CACNA2D3: variants seen among roughly 807,000 people sequenced by gnomAD.
The protein encoded by CACNA2D3 is voltage-dependent calcium channel subunit alpha-2/delta-3.
Under a neutral mutation model 160.6 loss-of-function variants are expected in CACNA2D3, and 60 were observed. The observed-to-expected ratio is 0.37, with a 90% CI of 0.30 to 0.46. The LOEUF is 0.46. Among genes scored for constraint, CACNA2D3 ranks in the 20% least tolerant of loss-of-function variants. CACNA2D3 has a pLI of 1.00. For synonymous variants in CACNA2D3, 558 were observed against 492.9 expected, an observed-to-expected ratio of 1.13 and a Z score of -1.75; for missense variants, 1,205 against 1,365.0, an observed-to-expected ratio of 0.88 and a Z score of 1.85.
intron 8 of CACNA2D3, among the ~76,000 whole-genome samples, chr3:54,575,918 A>C (rs1015178456): frequency 6.6e-6 from 1 of 152,090 alleles, no homozygotes; most frequent in Non-Finnish European, 1.5e-5. Flanking sequence ...TCTGGATCAC[A>C]TAGGGGGGTG....
intron 2 of CACNA2D3, among the ~76,000 whole-genome samples, chr3:54,142,256 C>T (rs1317266304): frequency 2.6e-5 from 4 of 152,172 alleles, no homozygotes; most frequent in African/African-American, 7.2e-5. Flanking sequence ...CTTGGCCCTT[C>T]GTTCTCTTGT....
intron 9 of CACNA2D3, among the ~76,000 whole-genome samples, chr3:54,609,144 A>G (rs1698695256): frequency 6.6e-6 from 1 of 152,190 alleles, no homozygotes. Context: ...CTGTGAGCCA[A>G]TATGGTAGCT....
chr3:54,838,630 G>A lies in CACNA2D3; in HGVS notation c.1533G>A (p.Lys511=). 1.9e-6 allele frequency: 3 copies of A among 1,612,436 alleles called. No individual in the cohort carries two copies. The highest frequency in any genetic ancestry group is 2.5e-6 in the Non-Finnish European group (3 of 1,178,488). ...GTDVPVKELL[K]TIPKYKLGIH... ...ATGTCCCAGTGAAAGAACTTCTGAA[G>A]ACCATCCCCAAATACAAGGTAATGA... is the stretch of plus-strand genomic sequence containing the variant. The change falls in exon 16 of 38, where the codon AAG becomes AAA. Residue 511 remains lysine, a synonymous_variant. Coordinates refer to ENST00000474759, the MANE Select transcript of CACNA2D3 (RefSeq NM_018398.3).
intron 9 of CACNA2D3, among the ~76,000 whole-genome samples, chr3:54,597,934 C>T (rs1702987433): frequency 6.6e-6 from 1 of 151,958 alleles, no homozygotes. Context: ...CAGCCGTGGG[C>T]ACTGGTTGTG....
chr3:54,197,669 A>G (rs546213616), intron 2 of CACNA2D3, among the ~76,000 whole-genome samples: 2 of 152,198 alleles, frequency 1.3e-5, no homozygotes, highest in East Asian at 3.9e-4. Flanking sequence ...CTTGTTTAGG[A>G]ACTTGGCACC....
At chr3:54,774,952 T>C (rs1199373845) in intron 13 of CACNA2D3, among the ~76,000 whole-genome samples, 6 of 152,174 alleles carry the variant, frequency 3.9e-5, no homozygotes, top group East Asian at 1.9e-4. Context: ...TTGACTCTTA[T>C]TGGCTTAATT....
At chr3:54,339,795 C>T (rs965549135) in intron 3 of CACNA2D3, among the ~76,000 whole-genome samples, 1 of 152,148 alleles carries the variant, frequency 6.6e-6, no homozygotes, top group Non-Finnish European at 1.5e-5. Flanking sequence ...ACAGGATGCA[C>T]TCTAGTGGGT....
intron 21 of CACNA2D3, among the ~76,000 whole-genome samples, chr3:54,881,070 T>C (rs1699785697): frequency 1.3e-5 from 2 of 152,196 alleles, no homozygotes; most frequent in East Asian, 1.9e-4. Flanking sequence ...GGAGTTCCGA[T>C]TCATGGTTGT....
At position 54,492,709 on chromosome 3, in the gene CACNA2D3, G is replaced by T. The variant is rs927020087; in HGVS notation, c.382-10783G>T. Among the ~76,000 whole-genome samples, 6 of 152,314 alleles carry T rather than the reference G, an allele frequency of 3.9e-5. No individual in the cohort carries two copies. The East Asian group carries it at 7.7e-4, about 20-fold the overall frequency. ...CACTTTAACTTAGAAAGGGTTAAAGGCTCTGATAAGTCCTTCAATGAATAA... is the reference window on the plus strand; with the variant it reads ...CACTTTAACTTAGAAAGGGTTAAAGTCTCTGATAAGTCCTTCAATGAATAA... On this transcript the variant is annotated intron_variant, in intron 4 of 37. Coordinates refer to ENST00000474759, the MANE Select transcript of CACNA2D3 (RefSeq NM_018398.3).
At chr3:54,640,023 A>G (rs1453497144) in intron 10 of CACNA2D3, among the ~76,000 whole-genome samples, 2 of 152,144 alleles carry the variant, frequency 1.3e-5, no homozygotes, top group Non-Finnish European at 2.9e-5. Context: ...TCACAAGGTA[A>G]TGTCATCAGT....
chr3:54,843,758 A>G (rs183398108), intron 16 of CACNA2D3, among the ~76,000 whole-genome samples: 42 of 152,344 alleles, frequency 2.8e-4, no homozygotes, highest in African/African-American at 9.6e-4. Flanking sequence ...GTAGTGGTAC[A>G]GTTGGGTAGC....
Position 54,888,013 on chromosome 3 carries a change from T to C in CACNA2D3, c.2111T>C (p.Ile704Thr), listed in dbSNP as rs762058431. The stretch of plus-strand genomic sequence containing the variant: ...TTTGACGCGGTGGTGAGTGCCCCCA[T>C]TGAAGCGTATTGGACCAGCCTGGCC... ...VLFDAVVSAP[I>T]EAYWTSLALN... is the part of the protein sequence containing the mutation. Residue 704 changes from isoleucine to threonine, a missense_variant, in exon 24 of 38, where the codon ATT becomes ACT. Physicochemically the swap from Ile to Thr is moderately conservative, Grantham distance 89 (BLOSUM62 -1). Transcript: ENST00000474759. 3 of 1,613,930 alleles carry C rather than the reference T, an allele frequency of 1.9e-6. No homozygotes were observed. Among genetic ancestry groups the C allele is most frequent in the South Asian group, 1.1e-5 (1 of 91,070 alleles).
chr3:54,496,405 T>C (rs1701203656), intron 4 of CACNA2D3, among the ~76,000 whole-genome samples: 1 of 152,206 alleles, frequency 6.6e-6, no homozygotes, highest in Non-Finnish European at 1.5e-5. Context: ...TGATGACTAA[T>C]GACATTGAAC....
intron 2 of CACNA2D3, among the ~76,000 whole-genome samples, chr3:54,266,039 GC>G (rs1243308094): frequency 6.6e-6 from 1 of 152,134 alleles, no homozygotes; most frequent in African/African-American, 2.4e-5. Context: ...AAAAATATGG[GC>G]CAATTTTTTC....
intron 27 of CACNA2D3, among the ~76,000 whole-genome samples, chr3:54,911,806 T>C (rs1320053251): frequency 1.3e-5 from 2 of 152,206 alleles, no homozygotes; most frequent in African/African-American, 4.8e-5. Flanking sequence ...CTCTATTGAC[T>C]TCCCACTTTA....
intron 13 of CACNA2D3, among the ~76,000 whole-genome samples, chr3:54,774,827 G>A (rs1028185085): frequency 1.3e-5 from 2 of 151,476 alleles, no homozygotes; most frequent in Admixed American, 6.6e-5. Flanking sequence ...GTAGAGACAG[G>A]GTTTCACCAT....
intron 3 of CACNA2D3, among the ~76,000 whole-genome samples, chr3:54,348,492 A>C (rs1317936378): frequency 6.6e-6 from 1 of 152,218 alleles, no homozygotes; most frequent in Non-Finnish European, 1.5e-5. Context: ...AAGTTAGAAA[A>C]TGCATGATAC....
intron 12 of CACNA2D3, among the ~76,000 whole-genome samples, chr3:54,763,087 C>CAAAAAA (rs10662094): frequency 8.3e-6 from 1 of 120,648 alleles, no homozygotes. Flanking sequence ...GACTCCATCT[C>CAAAAAA]AAAAAAAAAA....
chr3:54,482,969 GC>G lies in CACNA2D3; in HGVS notation c.382-20522del, dbSNP rs1195259827. Among the ~76,000 whole-genome samples the G allele has an allele frequency of 6.6e-5, 10 of 152,282 alleles. No homozygotes were observed. In the East Asian group the frequency reaches 1.7e-3, roughly 26 times the overall value. On this transcript the variant is annotated intron_variant, in intron 4 of 37. Coordinates refer to ENST00000474759, the MANE Select transcript of CACNA2D3 (RefSeq NM_018398.3). ...ATTACAAGGGATGCTGGGAAATGTAGCAGAGTGCATGGAACACTCTGTGAGC... is the reference window on the plus strand; with the variant it reads ...ATTACAAGGGATGCTGGGAAATGTAGAGAGTGCATGGAACACTCTGTGAGC...
Sources: allele counts gnomAD v4.1 joint callset (sites outside exome capture counted in the v4.1 genomes callset), GRCh38; gene constraint gnomAD v4.1.1; transcripts MANE v1.5; gene names NCBI Gene and HGNC (gene_info 2026-07-23, HGNC 2026-07-21).